RABL6: variants seen among roughly 807,000 people sequenced by gnomAD.
RABL6 encodes the protein RAB, member RAS oncogene family like 6, also known as rab-like protein 6.
A neutral mutation model predicts 72.9 loss-of-function variants in RABL6; 28 were observed. The ratio of observed to expected loss-of-function variants is 0.38; its 90% CI spans 0.28 to 0.53. The LOEUF (loss-of-function observed/expected upper bound fraction) is 0.53. RABL6 is among the 20% of genes least tolerant of loss of function. The pLI is 0.80. For missense variants in RABL6, 1,029 were observed against 1,008.4 expected (o/e 1.02, Z -0.28); for synonymous variants, 477 against 421.2 (o/e 1.13, Z -1.62).
At chr9:136,827,340 C>G (rs775399533) in intron 3 of RABL6, 1 of 152,216 alleles carries the variant, frequency 6.6e-6, no homozygotes, top group Non-Finnish European at 1.5e-5. Context: ...GAGAGGAAGC[C>G]GAGGCCATCA....
intron 5 of RABL6, among the ~76,000 whole-genome samples, chr9:136,830,649 C>G (rs1047055958): frequency 3.9e-5 from 6 of 152,248 alleles, no homozygotes; most frequent in Non-Finnish European, 5.9e-5. Context: ...AGTGTGGACA[C>G]AGTGTGGCCT....
In RABL6 at chr9:136,840,133, C is replaced by T. The variant is rs962035108; in HGVS notation, c.1931-21C>T. ...TCCCCGTTGGCCTGAGTTTGAGCCACTGTCTGTCCTGTCTGTGCAGGTAAG... is the reference window on the plus strand; with the variant it reads ...TCCCCGTTGGCCTGAGTTTGAGCCATTGTCTGTCCTGTCTGTGCAGGTAAG... On this transcript the variant is annotated intron_variant, in intron 13 of 14. Coordinates refer to ENST00000311502, the MANE Select transcript of RABL6 (RefSeq NM_024718.5). 8 of 1,612,866 alleles carry T rather than the reference C, an allele frequency of 5.0e-6. No homozygotes were observed. In the Admixed American group the frequency reaches 5.0e-5, roughly 10 times the overall value.
At chr9:136,820,011 C>T (rs1392521005) in intron 1 of RABL6, among the ~76,000 whole-genome samples, 11 of 151,930 alleles carry the variant, frequency 7.2e-5, no homozygotes, top group East Asian at 1.9e-4. Context: ...GAGACCAGCC[C>T]GGGCAAAATG....
At chr9:136,834,549 C>G in intron 7 of RABL6, 2 of 851,880 alleles carry the variant, frequency 2.3e-6, no homozygotes, top group Non-Finnish European at 2.8e-6. Flanking sequence ...TGCAATCTTG[C>G]CTCACTGTAA....
Position 136,840,946 on chromosome 9 carries a change from C to T in RABL6, c.*424C>T, listed in dbSNP as rs1848685940. ...CTGGGGCCGCAGCATGCCTATGGTTCCGCTTCCGGCCGGGAGCCCTGAACA... is the reference window on the plus strand; with the variant it reads ...CTGGGGCCGCAGCATGCCTATGGTTTCGCTTCCGGCCGGGAGCCCTGAACA... On this transcript the variant is annotated 3_prime_UTR_variant, in exon 15 of 15. Coordinates refer to ENST00000311502, the MANE Select transcript of RABL6 (RefSeq NM_024718.5). 1.4e-6 allele frequency: 2 copies of T among 1,460,360 alleles called. No individual in the cohort carries two copies. Among genetic ancestry groups the T allele is most frequent in the African/African-American group, 1.4e-5 (1 of 70,238 alleles). 90.5% of individuals were successfully genotyped at this position (1,460,360 alleles called of 1,614,324 possible).
In RABL6 at chr9:136,840,840, GTC is replaced by G. The variant is rs769917927; in HGVS notation, c.*320_*321del. ...TGAGGCCCAGGAGGGACCTGTGAGGGTCTGTTTACAGAGGCTGGGCAGGGGCC... is the reference window on the plus strand; with the variant it reads ...TGAGGCCCAGGAGGGACCTGTGAGGGTGTTTACAGAGGCTGGGCAGGGGCC... On this transcript the variant is annotated 3_prime_UTR_variant, in exon 15 of 15. Coordinates refer to ENST00000311502, the MANE Select transcript of RABL6 (RefSeq NM_024718.5). 54 of 1,545,668 alleles carry G rather than the reference GTC, an allele frequency of 3.5e-5. No homozygotes were observed. The highest frequency in any genetic ancestry group is 4.1e-5 in the Non-Finnish European group (47 of 1,146,014).
rs1848572671 is a variant in RABL6, at chr9:136,835,742, A to G, written c.706A>G (p.Arg236Gly). 1.3e-6 allele frequency: 2 copies of G among 1,549,026 alleles called. No individual in the cohort carries two copies. The highest frequency in any genetic ancestry group is 1.7e-6 in the Non-Finnish European group (2 of 1,146,844). Residue 236 changes from arginine to glycine, a missense_variant and splice_region_variant, in exon 8 of 15, where the codon AGG (arginine) becomes GGG (glycine). Physicochemically the swap from Arg to Gly is moderately radical, Grantham distance 125 (BLOSUM62 -2). Around this residue, in one of 2 missense-constraint regions of RABL6, gnomAD observed 434 missense variants for 536.1 expected, o/e 0.81. Transcript: ENST00000311502. ...FFNIPFLQLQ[R>G]ETLLRQLETN... The stretch of plus-strand genomic sequence containing the variant: ...AGGCCTGCGTGCTCCCTTTCTGCAG[A>G]GGGAGACGCTGTTGCGGCAGCTGGA...
In RABL6 at chr9:136,831,422, G is replaced by A. The variant is rs147890943; in HGVS notation, c.459-299G>A. 1.6e-3 allele frequency among the ~76,000 whole-genome samples: 247 copies of A among 152,312 alleles called. 1 individual carries two copies. Among genetic ancestry groups the A allele is most frequent in the African/African-American group, 5.5e-3 (230 of 41,558 alleles). ...GATGAAGCCAGAGGTGGTTTTGTAG[G>A]GATGCGGACATGGGGTGCTCTGAGG... On this transcript the variant is annotated intron_variant, in intron 5 of 14. Coordinates refer to ENST00000311502, the MANE Select transcript of RABL6 (RefSeq NM_024718.5).
chr9:136,819,741 A>G (rs1316351253), intron 1 of RABL6, among the ~76,000 whole-genome samples: 3 of 152,168 alleles, frequency 2.0e-5, no homozygotes, highest in African/African-American at 7.2e-5. Context: ...AAGTCTCTGG[A>G]CCTGAAGGCT....
rs774313357 is a variant in RABL6, at chr9:136,840,287, G to T, written c.1990-35G>T. On this transcript the variant is annotated intron_variant, in intron 14 of 14. Transcript: ENST00000311502. ...CCTGGGACCAGGGCTGTGGCTTCCTGTGACTCCATGGCGCCCCATCCTTGT... is the reference window on the plus strand; with the variant it reads ...CCTGGGACCAGGGCTGTGGCTTCCTTTGACTCCATGGCGCCCCATCCTTGT... 8.7e-6 allele frequency: 14 copies of T among 1,609,168 alleles called. No homozygotes were observed. The African/African-American group carries it at 1.1e-4, about 12-fold the overall frequency.
At chr9:136,827,928 C>T (rs1295908295) in intron 3 of RABL6, 1 of 152,868 alleles carries the variant, frequency 6.5e-6, no homozygotes, top group Non-Finnish European at 1.5e-5. Context: ...GCCATGGTGA[C>T]CTTGATGGCG....
intron 5 of RABL6, among the ~76,000 whole-genome samples, chr9:136,830,217 TTC>T (rs1848443585): frequency 6.6e-6 from 1 of 152,238 alleles, no homozygotes. Flanking sequence ...AGTCAGCAGC[TTC>T]TCTTACTTGG....
chr9:136,816,464 C>T (rs1320824299), intron 1 of RABL6, among the ~76,000 whole-genome samples: 1 of 151,956 alleles, frequency 6.6e-6, no homozygotes, highest in Non-Finnish European at 1.5e-5. Context: ...CCTGTAATCC[C>T]AGCACTTTGG....
Position 136,838,954 on chromosome 9 carries a change from G to A in RABL6, c.1326G>A (p.Gln442=), listed in dbSNP as rs1848633921. The A allele has an allele frequency of 1.9e-6, 3 of 1,610,212 alleles. No individual in the cohort carries two copies. The highest frequency in any genetic ancestry group is 2.5e-6 in the Non-Finnish European group (3 of 1,178,894). ...LGGNPMVAGF[Q]DDVDLEDQPR... ...GCAACCCGATGGTGGCAGGGTTCCA[G>A]GACGATGTGGACCTCGAAGACCAGC... is the stretch of plus-strand genomic sequence containing the variant. The change falls in exon 11 of 15, where the codon CAG becomes CAA. Residue 442 remains glutamine, a synonymous_variant. Transcript: ENST00000311502.
intron 1 of RABL6, chr9:136,821,609 G>A (rs1318782301): frequency 7.1e-6 from 7 of 987,324 alleles, no homozygotes; most frequent in Admixed American, 6.2e-5. Flanking sequence ...GCCGCGCCCG[G>A]GTTCCTGCCT....
At chr9:136,819,649 C>T (rs1050936069) in intron 1 of RABL6, among the ~76,000 whole-genome samples, 1 of 152,124 alleles carries the variant, frequency 6.6e-6, no homozygotes, top group East Asian at 1.9e-4. Context: ...AGTGCTACAG[C>T]GACAGTGATG....
At chr9:136,839,581 G>C in intron 12 of RABL6, 95 bp downstream of exon 12, 2 of 1,551,346 alleles carry the variant, frequency 1.3e-6, no homozygotes, top group Non-Finnish European at 1.7e-6. Flanking sequence ...GAGGCTTCTG[G>C]AAGAGGCATC....
intron 1 of RABL6, among the ~76,000 whole-genome samples, chr9:136,817,096 C>T (rs930733806): frequency 1.8e-4 from 27 of 152,038 alleles, no homozygotes; most frequent in Admixed American, 1.6e-3. Context: ...AGAATGAAAA[C>T]CTCTAGAAAT....
chr9:136,839,010 C>T lies in RABL6; in HGVS notation c.1382C>T (p.Pro461Leu). 1.9e-6 allele frequency: 3 copies of T among 1,612,324 alleles called. No individual in the cohort carries two copies. The highest frequency in any genetic ancestry group is 1.7e-6 in the Non-Finnish European group (2 of 1,179,716). The change falls in exon 11 of 15, where the codon CCC becomes CTC. Residue 461 changes from proline to leucine, a missense_variant. Physicochemically the swap from Pro to Leu is moderately conservative, Grantham distance 98 (BLOSUM62 -3). Coordinates refer to ENST00000311502, the MANE Select transcript of RABL6 (RefSeq NM_024718.5). ...PRGSPPLPAG[P>L]VPSQDITLSS... ...GGGAGTCCCCCGCTGCCTGCAGGCC[C>T]CGTCCCCAGTCAAGACATCACTCTT...
Sources: allele counts gnomAD v4.1 joint callset (sites outside exome capture counted in the v4.1 genomes callset), GRCh38; gene constraint gnomAD v4.1.1; regional missense constraint gnomAD v4.1.1; transcripts MANE v1.5; gene names NCBI Gene and HGNC (gene_info 2026-07-23, HGNC 2026-07-21).